The following PHYHIPL variants were observed in gnomAD, a reference collection of about 807,000 sequenced individuals.
PHYHIPL encodes the protein phytanoyl-CoA hydroxylase-interacting protein-like.
Under a neutral mutation model 33.4 loss-of-function variants are expected in PHYHIPL, and 9 were observed. The observed-to-expected ratio is 0.27, with a 90% CI of 0.16 to 0.47. The LOEUF is 0.47. Among genes scored for constraint, PHYHIPL ranks in the 20% least tolerant of loss-of-function variants. PHYHIPL has a pLI of 0.99. For missense variants in PHYHIPL, 365 were observed against 460.7 expected (o/e 0.79, Z 1.90); for synonymous variants, 153 against 154.1 (o/e 0.99, Z 0.05).
At chr10:59,182,772 A>G (rs954289005) in intron 1 of PHYHIPL, among the ~76,000 whole-genome samples, 2 of 152,170 alleles carry the variant, frequency 1.3e-5, no homozygotes, top group Admixed American at 6.6e-5. Flanking sequence ...TGTTAAGGGT[A>G]GGGACTGGAA....
At chr10:59,197,240 T>C (rs776375607) in intron 1 of PHYHIPL, among the ~76,000 whole-genome samples, 10 of 152,234 alleles carry the variant, frequency 6.6e-5, no homozygotes, top group Non-Finnish European at 1.0e-4. Context: ...ATCTTATAAC[T>C]TTATAACTGA....
At chr10:59,188,446 A>G (rs192218827) in intron 1 of PHYHIPL, among the ~76,000 whole-genome samples, 5 of 152,258 alleles carry the variant, frequency 3.3e-5, no homozygotes, top group Admixed American at 2.6e-4. Context: ...TATTCTGTTG[A>G]TTTGGGGTGG....
chr10:59,238,388 C>T (rs1840288535), intron 3 of PHYHIPL, among the ~76,000 whole-genome samples, 200 bp from the exon 4 acceptor site: 1 of 151,844 alleles, frequency 6.6e-6, no homozygotes, highest in South Asian at 2.1e-4. Context: ...AAGAAACAAC[C>T]ATAAACCATA....
intron 1 of PHYHIPL, among the ~76,000 whole-genome samples, chr10:59,198,897 GGTTT>G (rs1455146485): frequency 2.6e-5 from 4 of 152,028 alleles, no homozygotes; most frequent in African/African-American, 9.7e-5. Context: ...CTTTTTGATG[GGTTT>G]GTTTGATTTT....
chr10:59,197,581 A>G (rs1197481256), intron 1 of PHYHIPL, among the ~76,000 whole-genome samples: 1 of 152,088 alleles, frequency 6.6e-6, no homozygotes, highest in Non-Finnish European at 1.5e-5. Context: ...TGTATAATGC[A>G]TGTCTGTACC....
intron 1 of PHYHIPL, among the ~76,000 whole-genome samples, chr10:59,190,052 C>CAA (rs1838741548): frequency 6.6e-6 from 1 of 151,892 alleles, no homozygotes; most frequent in Non-Finnish European, 1.5e-5. Flanking sequence ...TATTATATAA[C>CAA]ATTGTGTAAT....
intron 1 of PHYHIPL, among the ~76,000 whole-genome samples, chr10:59,202,129 A>G (rs1358653497): frequency 1.3e-5 from 2 of 152,130 alleles, no homozygotes; most frequent in African/African-American, 4.8e-5. Flanking sequence ...GGTAAGATTG[A>G]GAGTTAGATG....
chr10:59,207,434 A>G lies in PHYHIPL; in HGVS notation c.107-26870A>G, dbSNP rs1038617918. Among the ~76,000 whole-genome samples the G allele has an allele frequency of 3.3e-5, 5 of 152,170 alleles. No homozygotes were observed. The East Asian group carries it at 9.7e-4, about 29-fold the overall frequency. On this transcript the variant is annotated intron_variant, in intron 1 of 4. Coordinates refer to ENST00000373880, the MANE Select transcript of PHYHIPL (RefSeq NM_032439.4). Reference sequence around the variant, plus strand: ...TTTTCCCACAGTCTTCGCAACCCGCAAACCAGGAGATTCCCTCAGGTGTCT... The same window carrying G: ...TTTTCCCACAGTCTTCGCAACCCGCGAACCAGGAGATTCCCTCAGGTGTCT...
intron 1 of PHYHIPL, among the ~76,000 whole-genome samples, chr10:59,201,099 G>T (rs568339164): frequency 6.6e-6 from 1 of 152,210 alleles, no homozygotes; most frequent in South Asian, 2.1e-4. Context: ...GCTTCTGCTA[G>T]CTTTTGAATG....
At chr10:59,207,850 C>A (rs1839329671) in intron 1 of PHYHIPL, among the ~76,000 whole-genome samples, 1 of 150,364 alleles carries the variant, frequency 6.7e-6, no homozygotes. Context: ...CGAGATGCAC[C>A]ACTGCACTCC....
At chr10:59,191,296 T>C (rs1236316270) in intron 1 of PHYHIPL, among the ~76,000 whole-genome samples, 1 of 151,970 alleles carries the variant, frequency 6.6e-6, no homozygotes, top group Non-Finnish European at 1.5e-5. Flanking sequence ...TTTTTTGTAT[T>C]ACATTTTCAG....
chr10:59,195,301 A>C (rs1339244383), intron 1 of PHYHIPL, among the ~76,000 whole-genome samples: 1 of 152,224 alleles, frequency 6.6e-6, no homozygotes, highest in Admixed American at 6.5e-5. Flanking sequence ...AAAGACTAAC[A>C]AGAGAAAAGC....
In PHYHIPL at chr10:59,245,720, C is replaced by T. The variant is rs529595477; in HGVS notation, c.*129C>T. The T allele has an allele frequency of 5.8e-4, 588 of 1,009,028 alleles. 8 individuals are homozygous for T. In the South Asian group the frequency reaches 9.5e-3, roughly 16 times the overall value. 62.5% of individuals were successfully genotyped at this position (1,009,028 alleles called of 1,614,324 possible). ...ATGCCACTGTCACCAAAACAAACAA[C>T]TACCACTTTCCAAATTTCATTCAGA... is the stretch of plus-strand genomic sequence containing the variant. On this transcript the variant is annotated 3_prime_UTR_variant, in exon 5 of 5. Transcript: ENST00000373880.
intron 1 of PHYHIPL, among the ~76,000 whole-genome samples, chr10:59,203,296 G>A (rs547315300): frequency 6.6e-6 from 1 of 152,146 alleles, no homozygotes; most frequent in African/African-American, 2.4e-5. Context: ...TGGAGAAATA[G>A]GAACACTTTT....
At chr10:59,192,450 G>C (rs1444711670) in intron 1 of PHYHIPL, among the ~76,000 whole-genome samples, 1 of 152,030 alleles carries the variant, frequency 6.6e-6, no homozygotes, top group East Asian at 1.9e-4. Flanking sequence ...AGGGGATGTT[G>C]GTGTTGGTGA....
At chr10:59,186,872 A>G (rs7913856) in intron 1 of PHYHIPL, among the ~76,000 whole-genome samples, 7,013 of 152,214 alleles carry the variant, frequency 0.046, 448 homozygotes, top group African/African-American at 0.14. Flanking sequence ...GGCTGAGACA[A>G]TGGGGTTTTC....
At chr10:59,207,717 C>A (rs1839326036) in intron 1 of PHYHIPL, among the ~76,000 whole-genome samples, 1 of 152,138 alleles carries the variant, frequency 6.6e-6, no homozygotes, top group Non-Finnish European at 1.5e-5. Flanking sequence ...CAGTGAAACC[C>A]TGTCTCTACT....
chr10:59,194,654 G>T (rs2133205334), intron 1 of PHYHIPL, among the ~76,000 whole-genome samples: 1 of 152,236 alleles, frequency 6.6e-6, no homozygotes, highest in South Asian at 2.1e-4. Flanking sequence ...GTTCTTCGTT[G>T]TTTCTTTCAG....
chr10:59,197,931 G>A (rs1029339287), intron 1 of PHYHIPL, among the ~76,000 whole-genome samples: 1 of 152,082 alleles, frequency 6.6e-6, no homozygotes, highest in African/African-American at 2.4e-5. Context: ...GCTACTCAGG[G>A]TTGTGCTTGA....
Sources: allele counts gnomAD v4.1 joint callset (sites outside exome capture counted in the v4.1 genomes callset), GRCh38; gene constraint gnomAD v4.1.1; transcripts MANE v1.5; gene names NCBI Gene and HGNC (gene_info 2026-07-23, HGNC 2026-07-21).